The following HSD17B3 variants were observed in gnomAD, a reference collection of about 807,000 sequenced individuals.
HSD17B3 encodes the protein 17-beta-hydroxysteroid dehydrogenase type 3.
HSD17B3 carries 29 observed loss-of-function variants against 41.1 expected under a neutral mutation model. That is an observed-to-expected ratio of 0.71 (90% CI 0.53 to 0.96). The LOEUF is 0.96. Among genes scored for constraint, HSD17B3 ranks in the 40% least tolerant of loss-of-function variants. The pLI, the probability that HSD17B3 is intolerant of heterozygous loss-of-function variation, is 0.00. For missense variants in HSD17B3, 323 were observed against 374.6 expected, an observed-to-expected ratio of 0.86 and a Z score of 1.14; for synonymous variants, 126 against 145.6, an observed-to-expected ratio of 0.87 and a Z score of 0.97.
rs575336367 is a variant in HSD17B3 at position 96,245,195 on chromosome 9, T to C, written c.606+150A>G. On this transcript the variant is annotated intron_variant, in intron 8 of 10. Transcript: ENST00000375263. ...CAGGTGCTTTATTCTAATTTTCTCT[T>C]GGACTTCCCAGTGAGTAGCTCAGCC... 54 of 755,468 alleles carry C rather than the reference T, an allele frequency of 7.1e-5. 1 individual carries two copies. In the African/African-American group the frequency reaches 8.2e-4, roughly 11 times the overall value. 46.8% of individuals were successfully genotyped at this position (755,468 alleles called of 1,614,324 possible). A position where few individuals can be genotyped will look rare whatever the true frequency, so the allele number is the denominator to read the frequency against.
chr9:96,268,904 G>A (rs1350489288), intron 2 of HSD17B3, among the ~76,000 whole-genome samples: 6 of 152,120 alleles, frequency 3.9e-5, no homozygotes, highest in East Asian at 1.9e-4. Flanking sequence ...AGCCGAGATC[G>A]TGGCACTGCA....
chr9:96,268,811 T>G (rs962108338), intron 2 of HSD17B3, among the ~76,000 whole-genome samples: 1 of 152,072 alleles, frequency 6.6e-6, no homozygotes, highest in African/African-American at 2.4e-5. Context: ...TAGCTGCACG[T>G]GGTGGTGCAC....
At chr9:96,247,553 G>A (rs55778804) in intron 6 of HSD17B3, among the ~76,000 whole-genome samples, 1 of 152,232 alleles carries the variant, frequency 6.6e-6, no homozygotes, top group Non-Finnish European at 1.5e-5. Flanking sequence ...TGGAGGGGGT[G>A]GGGCTCTCTA....
chr9:96,299,679 A>G lies in HSD17B3; in HGVS notation c.155-1217T>C, dbSNP rs8190494. On this transcript the variant is annotated intron_variant, in intron 1 of 10. Coordinates refer to ENST00000375263, the MANE Select transcript of HSD17B3 (RefSeq NM_000197.2). ...CCAAGGGGAAAAAGTTCGTAACTTGATTAAGGTCACACTGCTAAAAATGAT... is the reference window on the plus strand; with the variant it reads ...CCAAGGGGAAAAAGTTCGTAACTTGGTTAAGGTCACACTGCTAAAAATGAT... 4.3e-3 allele frequency among the ~76,000 whole-genome samples: 656 copies of G among 152,290 alleles called. 5 individuals are homozygous for G. The highest frequency in any genetic ancestry group is 0.015 in the African/African-American group (634 of 41,562).
intron 2 of HSD17B3, among the ~76,000 whole-genome samples, chr9:96,266,966 C>T (rs1477598226): frequency 6.6e-6 from 1 of 152,090 alleles, no homozygotes; most frequent in Middle Eastern, 3.2e-3. Context: ...GGACTCCTCT[C>T]ACCCTATAGT....
chr9:96,277,756 T>C (rs920987346), intron 2 of HSD17B3, among the ~76,000 whole-genome samples: 8 of 152,032 alleles, frequency 5.3e-5, no homozygotes, highest in Admixed American at 2.0e-4. Flanking sequence ...CACTCCCTTG[T>C]TCATTACAGT....
Position 96,279,314 on chromosome 9 carries a change from G to C in HSD17B3, c.201+19102C>G, listed in dbSNP as rs150295627. ...ATCCATCAATACATGTAAGATGTAC[G>C]TTGCTTCTGTCCAGAAAGGCAAAAC... On this transcript the variant is annotated intron_variant, in intron 2 of 10. Coordinates refer to ENST00000375263, the MANE Select transcript of HSD17B3 (RefSeq NM_000197.2). Among the ~76,000 whole-genome samples, 753 of 152,252 alleles carry C rather than the reference G, an allele frequency of 4.9e-3. 8 individuals are homozygous for C. The highest frequency in any genetic ancestry group is 0.018 in the African/African-American group (730 of 41,540).
intron 2 of HSD17B3, among the ~76,000 whole-genome samples, chr9:96,292,772 A>G (rs1176088452): frequency 6.6e-6 from 1 of 152,248 alleles, no homozygotes; most frequent in Non-Finnish European, 1.5e-5. Context: ...AGACAAAGAA[A>G]AAATTTTGAA....
At chr9:96,292,123 G>C (rs1362430191) in intron 2 of HSD17B3, among the ~76,000 whole-genome samples, 2 of 152,024 alleles carry the variant, frequency 1.3e-5, no homozygotes, top group African/African-American at 4.8e-5. Flanking sequence ...GATGGGCTCA[G>C]TAGCAGAAAG....
At chr9:96,264,974 T>C (rs1347209302) in intron 2 of HSD17B3, among the ~76,000 whole-genome samples, 1 of 152,152 alleles carries the variant, frequency 6.6e-6, no homozygotes, top group African/African-American at 2.4e-5. Context: ...ATTCCAAACT[T>C]CAAAAAAAGC....
chr9:96,262,145 A>G (rs1227711733), intron 2 of HSD17B3, among the ~76,000 whole-genome samples: 1 of 144,892 alleles, frequency 6.9e-6, no homozygotes, highest in Non-Finnish European at 1.5e-5. Context: ...GAGACTGCTT[A>G]TTGAAAACAC....
chr9:96,273,262 C>T (rs1236198924), intron 2 of HSD17B3, among the ~76,000 whole-genome samples: 1 of 152,166 alleles, frequency 6.6e-6, no homozygotes, highest in African/African-American at 2.4e-5. Context: ...CACACACCCC[C>T]ATAATTTAAC....
intron 2 of HSD17B3, 44 bp from the exon 3 acceptor site, chr9:96,254,987 G>C (rs1825573554): frequency 6.6e-7 from 1 of 1,526,046 alleles, no homozygotes; most frequent in African/African-American, 1.4e-5. Flanking sequence ...ATGATGAGCA[G>C]ACAGGGAGGG....
chr9:96,301,927 A>AT, intron 1 of HSD17B3, 24 bp downstream of exon 1: 1 of 1,613,008 alleles, frequency 6.2e-7, no homozygotes, highest in Admixed American at 1.7e-5. Context: ...CAGCAAAAAA[A>AT]CATGAGATGG....
At chr9:96,289,363 T>C (rs1460872447) in intron 2 of HSD17B3, among the ~76,000 whole-genome samples, 1 of 152,148 alleles carries the variant, frequency 6.6e-6, no homozygotes, top group African/African-American at 2.4e-5. Context: ...AAAATGTTTT[T>C]TCATTTTAAA....
At chr9:96,286,276 G>A (rs563068352) in intron 2 of HSD17B3, among the ~76,000 whole-genome samples, 12 of 151,800 alleles carry the variant, frequency 7.9e-5, no homozygotes, top group East Asian at 5.8e-4. Flanking sequence ...CCCGGGAGGC[G>A]GAGGTTGCAG....
At chr9:96,280,794 G>A (rs1826660839) in intron 2 of HSD17B3, among the ~76,000 whole-genome samples, 1 of 152,186 alleles carries the variant, frequency 6.6e-6, no homozygotes, top group Non-Finnish European at 1.5e-5. Flanking sequence ...ACAGCTTGCA[G>A]TAAAAAAGCC....
chr9:96,235,658 T>C, intron 10 of HSD17B3, 88 bp from the exon 11 acceptor site: 1 of 1,065,814 alleles, frequency 9.4e-7, no homozygotes, highest in South Asian at 1.3e-5. Context: ...TATTTTTTTC[T>C]GACTACTAAA....
At chr9:96,275,027 C>G (rs1438867480) in intron 2 of HSD17B3, among the ~76,000 whole-genome samples, 1 of 151,856 alleles carries the variant, frequency 6.6e-6, no homozygotes, top group Admixed American at 6.6e-5. Context: ...CCCCTACTAG[C>G]AGATTTCTCA....
Sources: gnomAD v4.1 joint callset for allele counts (sites outside exome capture counted in the v4.1 genomes callset) on GRCh38, gnomAD v4.1.1 for gene constraint, MANE v1.5 for transcripts, NCBI Gene and HGNC (gene_info 2026-07-23, HGNC 2026-07-21) for gene names.